Variants in KCNQ1 observed in about 807,000 individuals in gnomAD.
The protein encoded by KCNQ1 is potassium voltage-gated channel subfamily KQT member 1.
In KCNQ1, 49 loss-of-function variants were observed where a neutral mutation model predicts 72.4. The ratio of observed to expected loss-of-function variants is 0.68; its 90% CI spans 0.54 to 0.86. The LOEUF (loss-of-function observed/expected upper bound fraction) is 0.86, where lower values mean the gene tolerates loss of function less well. Ranked by LOEUF, KCNQ1 falls within the 40% of genes least tolerant of loss-of-function variation. The pLI, the probability that KCNQ1 is intolerant of heterozygous loss-of-function variation, is 0.00. For synonymous variants in KCNQ1, 450 were observed against 412.6 expected (o/e 1.09, Z -1.10); for missense variants, 790 against 945.1 (o/e 0.84, Z 2.15).
chr11:2,753,338 G>A (rs1257011591), intron 11 of KCNQ1, among the ~76,000 whole-genome samples: 1 of 152,152 alleles, frequency 6.6e-6, no homozygotes, highest in Non-Finnish European at 1.5e-5. Context: ...CTCCGTGTCT[G>A]CCCAGGGAAG....
rs970788479 is a variant in KCNQ1 at position 2,483,247 on chromosome 11, G to A, written c.386+37763G>A. On this transcript the variant is annotated intron_variant, in intron 1 of 15. Coordinates refer to ENST00000155840, the MANE Select transcript of KCNQ1 (RefSeq NM_000218.3). The surrounding 1 kb of genome is among the most constrained non-coding windows in gnomAD (Gnocchi z 6.1). ...AGGGTTAAGATCCTGAGAGCAATGC[G>A]GGGGGTGTGAGTGATGAGGGACAAC... 2.6e-5 allele frequency among the ~76,000 whole-genome samples: 4 copies of A among 152,126 alleles called. No individual in the cohort carries two copies. Among genetic ancestry groups the A allele is most frequent in the Non-Finnish European group, 4.4e-5 (3 of 68,010 alleles).
intron 15 of KCNQ1, among the ~76,000 whole-genome samples, chr11:2,800,857 G>C (rs1297717399): frequency 5.3e-5 from 8 of 152,200 alleles, no homozygotes; most frequent in Admixed American, 3.9e-4. Flanking sequence ...TTCAGCTATG[G>C]TAAGAGCAGA....
chr11:2,784,402 C>G lies in KCNQ1; in HGVS notation c.1794+6365C>G, dbSNP rs1846877200. On this transcript the variant is annotated intron_variant, in intron 15 of 15. Transcript: ENST00000155840. This position sits in a 1 kb window ranked among gnomAD's most constrained non-coding sequence, Gnocchi z 4.7. Reference sequence around the variant, plus strand: ...GTAAGTCTATATGCCTTTCTGTAAACCCATACTATACTGTCTTGATTATTG... The same window carrying G: ...GTAAGTCTATATGCCTTTCTGTAAAGCCATACTATACTGTCTTGATTATTG... 6.6e-6 allele frequency among the ~76,000 whole-genome samples: 1 copy of G among 151,860 alleles called. No individual in the cohort carries two copies. Among genetic ancestry groups the G allele is most frequent in the South Asian group, 2.1e-4 (1 of 4,820 alleles).
intron 2 of KCNQ1, among the ~76,000 whole-genome samples, chr11:2,533,359 C>T (rs760551854): frequency 2.1e-4 from 32 of 152,180 alleles, no homozygotes; most frequent in Non-Finnish European, 4.3e-4. Flanking sequence ...ACCACGTGAA[C>T]ACCACGTCGG....
chr11:2,537,878 G>C lies in KCNQ1; in HGVS notation c.477+9860G>C, dbSNP rs1049544378. On this transcript the variant is annotated intron_variant, in intron 2 of 15. Coordinates refer to ENST00000155840, the MANE Select transcript of KCNQ1 (RefSeq NM_000218.3). The surrounding 1 kb of genome is among the most constrained non-coding windows in gnomAD (Gnocchi z 5.2). ...CTGTGGGTGCGTGCCACCATGCCCC[G>C]CTAATTTTTGTATTTTTTGTAGAGA... Among the ~76,000 whole-genome samples, 10 of 152,040 alleles carry C rather than the reference G, an allele frequency of 6.6e-5. No homozygotes were observed. In the East Asian group the frequency reaches 1.9e-3, roughly 29 times the overall value.
rs1418888807 is a variant in KCNQ1, at chr11:2,782,293, C to A, written c.1794+4256C>A. ...CCGGCCTCTCCTCACACCCACCAATCCTTCACATTGTATATTATTTCTTAA... is the reference window on the plus strand; with the variant it reads ...CCGGCCTCTCCTCACACCCACCAATACTTCACATTGTATATTATTTCTTAA... On this transcript the variant is annotated intron_variant, in intron 15 of 15. Coordinates refer to ENST00000155840, the MANE Select transcript of KCNQ1 (RefSeq NM_000218.3). The surrounding 1 kb of genome is among the most constrained non-coding windows in gnomAD (Gnocchi z 6.1). Among the ~76,000 whole-genome samples the A allele has an allele frequency of 2.0e-5, 3 of 152,218 alleles. No individual in the cohort carries two copies. Among genetic ancestry groups the A allele is most frequent in the Non-Finnish European group, 4.4e-5 (3 of 68,038 alleles).
chr11:2,617,661 C>T lies in KCNQ1; in HGVS notation c.1393+28807C>T, dbSNP rs1158185129. 7 of 398,260 alleles carry T rather than the reference C, an allele frequency of 1.8e-5. No homozygotes were observed. Among genetic ancestry groups the T allele is most frequent in the Non-Finnish European group, 3.1e-5 (7 of 225,962 alleles). 24.7% of individuals were successfully genotyped at this position (398,260 alleles called of 1,614,324 possible). On this transcript the variant is annotated intron_variant, in intron 10 of 15. Coordinates refer to ENST00000155840, the MANE Select transcript of KCNQ1 (RefSeq NM_000218.3). This position sits in a 1 kb window ranked among gnomAD's most constrained non-coding sequence, Gnocchi z 4.6. ...ATTCTGTTTTTCATTATGACTGCAC[C>T]AATCTACAGTCCCACCAACACTGTA...
At chr11:2,693,017 A>T in intron 11 of KCNQ1, 1 of 398,636 alleles carries the variant, frequency 2.5e-6, no homozygotes, top group Non-Finnish European at 4.4e-6. Flanking sequence ...CGCTCAGTGA[A>T]GGAACAGGAA....
At chr11:2,665,556 C>A (rs2133861436) in intron 11 of KCNQ1, 1 of 395,008 alleles carries the variant, frequency 2.5e-6, no homozygotes, top group East Asian at 3.6e-5. Flanking sequence ...CTGCAGCCAC[C>A]AGATTTCCAT....
chr11:2,660,853 A>T, intron 10 of KCNQ1: 1 of 398,658 alleles, frequency 2.5e-6, no homozygotes. Context: ...CCAGTATGTC[A>T]GCTTTTAAGA....
rs1454580221 is a variant in KCNQ1 at position 2,537,566 on chromosome 11, T to C, written c.477+9548T>C. On this transcript the variant is annotated intron_variant, in intron 2 of 15. Transcript: ENST00000155840. The surrounding 1 kb of genome is among the most constrained non-coding windows in gnomAD (Gnocchi z 5.2). ...TCTTTCTTCCTGGGTGTCTGAATTT[T>C]GATTTAATCTCAGGCTTGTCAGAAC... Among the ~76,000 whole-genome samples, 1 of 152,086 alleles carries C rather than the reference T, an allele frequency of 6.6e-6. No homozygotes were observed. Among genetic ancestry groups the C allele is most frequent in the Non-Finnish European group, 1.5e-5 (1 of 68,040 alleles).
Position 2,670,590 on chromosome 11 carries a change from C to T in KCNQ1, c.1514+8509C>T. ...GGAGATAGGAGCAGAAGCCAGGGCT[C>T]ATTCCCAGACACACAATCTCTGGGG... is the stretch of plus-strand genomic sequence containing the variant. On this transcript the variant is annotated intron_variant, in intron 11 of 15. Transcript: ENST00000155840. The surrounding 1 kb of genome is among the most constrained non-coding windows in gnomAD (Gnocchi z 4.9). 1 of 398,310 alleles carries T rather than the reference C, an allele frequency of 2.5e-6. No homozygotes were observed. Among genetic ancestry groups the T allele is most frequent in the Non-Finnish European group, 4.4e-6 (1 of 226,028 alleles). 24.7% of individuals were successfully genotyped at this position (398,310 alleles called of 1,614,324 possible).
rs1383396160 is a variant in KCNQ1 at position 2,670,978 on chromosome 11, A to T, written c.1514+8897A>T. ...TTATGGTGCCCCAGAGCCCCTGGCT[A>T]GGCATTCATGCTTTAGATATGTGGG... On this transcript the variant is annotated intron_variant, in intron 11 of 15. Transcript: ENST00000155840. The surrounding 1 kb of genome is among the most constrained non-coding windows in gnomAD (Gnocchi z 4.9). 2.5e-6 allele frequency: 1 copy of T among 398,618 alleles called. No individual in the cohort carries two copies. Among genetic ancestry groups the T allele is most frequent in the East Asian group, 3.6e-5 (1 of 28,070 alleles). The allele number at this position is 398,618 out of a possible 1,614,324, so 24.7% of individuals were successfully genotyped here. A position where few individuals can be genotyped will look rare whatever the true frequency, so the allele number is the denominator to read the frequency against.
In KCNQ1 at chr11:2,766,176, C is replaced by G. The variant is rs1211326674; in HGVS notation, c.1515-2668C>G. Among the ~76,000 whole-genome samples the G allele has an allele frequency of 6.6e-6, 1 of 152,092 alleles. No homozygotes were observed. Among genetic ancestry groups the G allele is most frequent in the Non-Finnish European group, 1.5e-5 (1 of 68,026 alleles). Reference sequence around the variant, plus strand: ...TATCTTTTCATCTATTTTCTTGAACCTATTTATCATGGTTATTTTGAAGTC... The same window carrying G: ...TATCTTTTCATCTATTTTCTTGAACGTATTTATCATGGTTATTTTGAAGTC... On this transcript the variant is annotated intron_variant, in intron 11 of 15. Coordinates refer to ENST00000155840, the MANE Select transcript of KCNQ1 (RefSeq NM_000218.3). This position sits in a 1 kb window ranked among gnomAD's most constrained non-coding sequence, Gnocchi z 4.4.
chr11:2,700,212 C>T (rs1046843389), intron 11 of KCNQ1, among the ~76,000 whole-genome samples: 1 of 151,858 alleles, frequency 6.6e-6, no homozygotes, highest in African/African-American at 2.4e-5. Flanking sequence ...TCCAGCGCCG[C>T]ATGAGGCACT....
intron 1 of KCNQ1, among the ~76,000 whole-genome samples, chr11:2,456,703 C>T (rs1589889881): frequency 6.7e-6 from 1 of 149,086 alleles, no homozygotes; most frequent in East Asian, 2.0e-4. Flanking sequence ...GGGCAGATCA[C>T]CAGGTCAGGA....
intron 1 of KCNQ1, among the ~76,000 whole-genome samples, chr11:2,500,354 T>A (rs1261059550): frequency 6.6e-6 from 1 of 152,168 alleles, no homozygotes; most frequent in Non-Finnish European, 1.5e-5. Context: ...AGAATGGCGA[T>A]CATTAAAAAA....
At chr11:2,548,591 T>A (rs1035358824) in intron 2 of KCNQ1, among the ~76,000 whole-genome samples, 2 of 152,314 alleles carry the variant, frequency 1.3e-5, no homozygotes, top group Admixed American at 6.5e-5. Context: ...TGCTAAGACA[T>A]CTCAGGAGCC....
At chr11:2,810,742 TG>T (rs1425915854) in intron 15 of KCNQ1, among the ~76,000 whole-genome samples, 1 of 152,258 alleles carries the variant, frequency 6.6e-6, no homozygotes, top group Non-Finnish European at 1.5e-5. Flanking sequence ...TGTGCATGGA[TG>T]GGCCTGCTGG....
Sources: gnomAD v4.1 joint callset for allele counts (sites outside exome capture counted in the v4.1 genomes callset) on GRCh38, gnomAD v4.1.1 for gene constraint, Gnocchi (gnomAD v3.1) non-coding constraint, MANE v1.5 for transcripts, NCBI Gene and HGNC (gene_info 2026-07-23, HGNC 2026-07-21) for gene names.